Variants in ZNF385D observed in about 807,000 individuals in gnomAD.
ZNF385D encodes zinc finger protein 659.
A neutral mutation model predicts 35.8 loss-of-function variants in ZNF385D; 15 were observed. The ratio of observed to expected loss-of-function variants is 0.42; its 90% CI spans 0.28 to 0.64. The LOEUF is 0.64. Among genes scored for constraint, ZNF385D ranks in the 30% least tolerant of loss-of-function variants. ZNF385D has a pLI of 0.23. For missense variants in ZNF385D, 474 were observed against 494.6 expected (o/e 0.96, Z 0.39); for synonymous variants, 212 against 186.8 (o/e 1.13, Z -1.10).
chr3:22,282,630 G>A (rs766328205), intron 2 of ZNF385D, among the ~76,000 whole-genome samples: 4 of 151,896 alleles, frequency 2.6e-5, no homozygotes, highest in Non-Finnish European at 5.9e-5. Flanking sequence ...TAAATTTGTT[G>A]AGACTTGTTT....
intron 1 of ZNF385D, among the ~76,000 whole-genome samples, chr3:21,674,628 C>G (rs2125294028): frequency 6.6e-6 from 1 of 152,226 alleles, no homozygotes; most frequent in East Asian, 1.9e-4. Context: ...AACCAATCAT[C>G]TATTCCTGGT....
At chr3:21,813,113 C>G (rs924023073) in intron 3 of ZNF385D, among the ~76,000 whole-genome samples, 1 of 152,232 alleles carries the variant, frequency 6.6e-6, no homozygotes, top group African/African-American at 2.4e-5. Context: ...CATACTCCAA[C>G]AGACCTGCAG....
chr3:21,753,433 G>C (rs9874150), upstream of ZNF385D, among the ~76,000 whole-genome samples: 44,283 of 151,998 alleles, frequency 0.29, 6,763 homozygotes, highest in Middle Eastern at 0.44. Flanking sequence ...GGGAGCATCT[G>C]GTAATAGAAC....
intron 3 of ZNF385D, among the ~76,000 whole-genome samples, chr3:22,130,013 G>T (rs1433672860): frequency 6.6e-6 from 1 of 152,080 alleles, no homozygotes; most frequent in African/African-American, 2.4e-5. Context: ...AAGGCTCAAG[G>T]ATTCTTAAGC....
chr3:22,046,899 A>C (rs905180349), intron 3 of ZNF385D, among the ~76,000 whole-genome samples: 21 of 152,160 alleles, frequency 1.4e-4, no homozygotes, highest in Non-Finnish European at 2.6e-4. Context: ...GAAATCAGAA[A>C]CACTTTATAC....
At chr3:21,748,766 A>G (rs1469365460) in intron 1 of ZNF385D, among the ~76,000 whole-genome samples, 1 of 152,222 alleles carries the variant, frequency 6.6e-6, no homozygotes, top group Non-Finnish European at 1.5e-5. Flanking sequence ...ACGCACACAC[A>G]TTAAGATACA....
At chr3:22,022,924 C>T (rs541416612) in intron 3 of ZNF385D, among the ~76,000 whole-genome samples, 1 of 152,166 alleles carries the variant, frequency 6.6e-6, no homozygotes, top group East Asian at 1.9e-4. Flanking sequence ...ATATGGTTGG[C>T]CCTGTGGGGA....
chr3:21,822,234 G>A (rs1315209562), intron 3 of ZNF385D, among the ~76,000 whole-genome samples: 1 of 151,746 alleles, frequency 6.6e-6, no homozygotes. Context: ...ACCACGCCTG[G>A]CTAATTTTTT....
intron 3 of ZNF385D, among the ~76,000 whole-genome samples, chr3:21,814,597 T>A (rs984843312): frequency 3.3e-5 from 5 of 152,160 alleles, no homozygotes; most frequent in African/African-American, 9.7e-5. Context: ...GGCCATTACA[T>A]AATGGTAAAG....
intron 6 of ZNF385D, among the ~76,000 whole-genome samples, chr3:21,424,689 C>CTCT (rs545294633): frequency 7.2e-5 from 9 of 125,198 alleles, no homozygotes; most frequent in African/African-American, 2.8e-4. Context: ...ACACACATCT[C>CTCT]TTTTTTTTTT....
intron 2 of ZNF385D, among the ~76,000 whole-genome samples, chr3:21,612,878 C>A (rs373476871): frequency 1.3e-5 from 2 of 152,000 alleles, no homozygotes; most frequent in East Asian, 3.9e-4. Flanking sequence ...AAATAAAACA[C>A]CTTAAATGAA....
intron 3 of ZNF385D, among the ~76,000 whole-genome samples, chr3:21,765,247 T>C (rs543138504): frequency 6.6e-6 from 1 of 151,448 alleles, no homozygotes; most frequent in African/African-American, 2.4e-5. Flanking sequence ...AGCATTTGAG[T>C]GTGTGTGTTA....
chr3:22,242,834 G>A (rs1458625235), intron 2 of ZNF385D, among the ~76,000 whole-genome samples: 2 of 150,778 alleles, frequency 1.3e-5, no homozygotes, highest in African/African-American at 2.5e-5. Context: ...CTGGGTGAGA[G>A]GTTTACAGAA....
chr3:22,247,589 C>A (rs1479077463), intron 2 of ZNF385D, among the ~76,000 whole-genome samples: 1 of 150,420 alleles, frequency 6.6e-6, no homozygotes, highest in African/African-American at 2.5e-5. Flanking sequence ...TAACAGATTG[C>A]TATTTATATA....
At chr3:22,261,974 T>C (rs1700656854) in intron 2 of ZNF385D, among the ~76,000 whole-genome samples, 1 of 152,028 alleles carries the variant, frequency 6.6e-6, no homozygotes, top group Non-Finnish European at 1.5e-5. Flanking sequence ...TGCCACCTGC[T>C]TCTTTAAAGG....
chr3:21,909,690 G>T (rs1430342840), intron 3 of ZNF385D, among the ~76,000 whole-genome samples: 6 of 151,962 alleles, frequency 3.9e-5, no homozygotes, highest in South Asian at 4.1e-4. Context: ...ACATTACAGA[G>T]GAGAAAGAAG....
intron 3 of ZNF385D, among the ~76,000 whole-genome samples, chr3:21,826,043 C>T (rs528455617): frequency 6.2e-4 from 94 of 152,288 alleles, no homozygotes; most frequent in Middle Eastern, 6.8e-3. Context: ...CCTCAACCCC[C>T]CACCAGTCCG....
At chr3:21,981,363 G>C (rs1029916093) in intron 3 of ZNF385D, among the ~76,000 whole-genome samples, 1 of 152,092 alleles carries the variant, frequency 6.6e-6, no homozygotes, top group Non-Finnish European at 1.5e-5. Context: ...CTGCCTGCAT[G>C]TCTTCTTTTG....
At chr3:22,148,407 T>C (rs1037832824) in intron 3 of ZNF385D, among the ~76,000 whole-genome samples, 16 of 152,216 alleles carry the variant, frequency 1.1e-4, no homozygotes, top group Admixed American at 9.2e-4. Context: ...ACCCAGATTC[T>C]TCTATTAAAC....
Sources: allele counts gnomAD v4.1 joint callset (sites outside exome capture counted in the v4.1 genomes callset), GRCh38; gene constraint gnomAD v4.1.1; transcripts MANE v1.5; gene names NCBI Gene and HGNC (gene_info 2026-07-23, HGNC 2026-07-21).